CDH13: variants seen among roughly 807,000 people sequenced by gnomAD.
The protein encoded by CDH13 is cadherin-13.
A neutral mutation model predicts 63.8 loss-of-function variants in CDH13; 24 were observed. The observed-to-expected ratio is 0.38, with a 90% CI of 0.27 to 0.53. The LOEUF is 0.53. Ranked by LOEUF, CDH13 falls within the 20% of genes least tolerant of loss-of-function variation. CDH13 has a pLI of 0.85. For missense variants in CDH13, 1,049 were observed against 903.1 expected, an observed-to-expected ratio of 1.16 and a Z score of -2.07; for synonymous variants, 503 against 355.3, an observed-to-expected ratio of 1.42 and a Z score of -4.67.
At chr16:83,016,107 T>C (rs1272462705) in intron 2 of CDH13, among the ~76,000 whole-genome samples, 2 of 152,116 alleles carry the variant, frequency 1.3e-5, no homozygotes, top group African/African-American at 2.4e-5. Flanking sequence ...CTAGAGATGA[T>C]GCCATATGGC....
rs897031010 is a variant in CDH13 at position 83,664,750 on chromosome 16, G to A, written c.1102-6040G>A. On this transcript the variant is annotated intron_variant, in intron 8 of 13. Coordinates refer to ENST00000567109, the MANE Select transcript of CDH13 (RefSeq NM_001257.5). ...CATTTACTGAAATGACCGTTACCTG[G>A]AAATTAAATCATGTCAAAACATAAA... Among the ~76,000 whole-genome samples, 4 of 152,052 alleles carry A rather than the reference G, an allele frequency of 2.6e-5. No homozygotes were observed. In the South Asian group the frequency reaches 8.3e-4, roughly 32 times the overall value.
intron 6 of CDH13, among the ~76,000 whole-genome samples, chr16:83,394,316 C>T (rs1041988341): frequency 4.6e-5 from 7 of 151,434 alleles, no homozygotes; most frequent in Admixed American, 2.0e-4. Context: ...TTTTCAATTG[C>T]GTGCTCAAGG....
intron 5 of CDH13, among the ~76,000 whole-genome samples, chr16:83,230,908 CTG>C (rs2039984233): frequency 6.6e-6 from 1 of 152,236 alleles, no homozygotes; most frequent in Non-Finnish European, 1.5e-5. Flanking sequence ...GAAAGGAAAA[CTG>C]TGAATTCTGT....
chr16:83,065,306 C>G (rs1351903941), intron 3 of CDH13, among the ~76,000 whole-genome samples: 1 of 152,076 alleles, frequency 6.6e-6, no homozygotes, highest in East Asian at 1.9e-4. Context: ...TAGGAAAAGC[C>G]TTAAGAAGTG....
At chr16:82,683,701 C>T (rs929162451) in intron 1 of CDH13, among the ~76,000 whole-genome samples, 1 of 152,184 alleles carries the variant, frequency 6.6e-6, no homozygotes, top group Non-Finnish European at 1.5e-5. Flanking sequence ...TCTTACTGTC[C>T]TATTCACCAA....
chr16:83,149,417 G>A lies in CDH13; in HGVS notation c.483+23916G>A, dbSNP rs59218067. Among the ~76,000 whole-genome samples, 795 of 152,184 alleles carry A rather than the reference G, an allele frequency of 5.2e-3. 8 individuals are homozygous for A. The highest frequency in any genetic ancestry group is 0.017 in the African/African-American group (696 of 41,540). ...GTATTTAATATTATTTATTCATTGC[G>A]TCCATGATAGGATCACAACAGTGAG... On this transcript the variant is annotated intron_variant, in intron 4 of 13. Transcript: ENST00000567109.
rs559507344 is a variant in CDH13, at chr16:83,175,756, A to G, written c.484-41589A>G. On this transcript the variant is annotated intron_variant, in intron 4 of 13. Transcript: ENST00000567109. ...TTTATAGATCTCTATACCTTCCTTTATGTAAATGTGTATAATATGCTCACA... is the reference window on the plus strand; with the variant it reads ...TTTATAGATCTCTATACCTTCCTTTGTGTAAATGTGTATAATATGCTCACA... Among the ~76,000 whole-genome samples, 7 of 150,702 alleles carry G rather than the reference A, an allele frequency of 4.6e-5. No homozygotes were observed. The East Asian group carries it at 1.2e-3, about 25-fold the overall frequency.
rs561185512 is a variant in CDH13 at position 82,748,415 on chromosome 16, C to T, written c.46-109947C>T. Among the ~76,000 whole-genome samples the T allele has an allele frequency of 9.7e-4, 147 of 152,308 alleles. 1 individual carries two copies. The highest frequency in any genetic ancestry group is 3.4e-3 in the Middle Eastern group (1 of 294). ...GTTCTTAATCGTGTGTGTGATTTGA[C>T]AGTCAAGATGGGCTATGGGAATCAT... On this transcript the variant is annotated intron_variant, in intron 1 of 13. Transcript: ENST00000567109.
chr16:83,165,216 C>T (rs894266232), intron 4 of CDH13, among the ~76,000 whole-genome samples: 3 of 152,068 alleles, frequency 2.0e-5, no homozygotes, highest in Non-Finnish European at 4.4e-5. Flanking sequence ...CAAGTGGGGA[C>T]ATCTCAGTAG....
intron 2 of CDH13, among the ~76,000 whole-genome samples, chr16:82,954,925 T>C (rs1905843308): frequency 6.6e-6 from 1 of 152,184 alleles, no homozygotes; most frequent in Admixed American, 6.5e-5. Context: ...CTTAGGATAG[T>C]GTTTTAAATG....
At chr16:83,674,465 C>T (rs534134981) in intron 9 of CDH13, among the ~76,000 whole-genome samples, 4 of 152,338 alleles carry the variant, frequency 2.6e-5, no homozygotes, top group East Asian at 1.9e-4. Context: ...AAGGGTCCCC[C>T]GGCCAATTTC....
chr16:83,669,161 T>C (rs8049978), intron 8 of CDH13, among the ~76,000 whole-genome samples: 1 of 152,182 alleles, frequency 6.6e-6, no homozygotes, highest in Non-Finnish European at 1.5e-5. Context: ...ACTTGACTGC[T>C]TGTCCCAGAA....
chr16:83,763,175 T>C (rs1441647622), intron 11 of CDH13, among the ~76,000 whole-genome samples: 1 of 152,188 alleles, frequency 6.6e-6, no homozygotes, highest in Non-Finnish European at 1.5e-5. Flanking sequence ...ATATAAAGTA[T>C]GTTTGAGCCT....
At chr16:83,359,082 T>C (rs1170513593) in intron 6 of CDH13, among the ~76,000 whole-genome samples, 1 of 152,098 alleles carries the variant, frequency 6.6e-6, no homozygotes, top group Non-Finnish European at 1.5e-5. Flanking sequence ...AATATTAATT[T>C]TTTTCTTGCC....
chr16:82,908,966 G>C (rs577967368), intron 2 of CDH13, among the ~76,000 whole-genome samples: 16 of 152,208 alleles, frequency 1.1e-4, no homozygotes, highest in African/African-American at 3.6e-4. Flanking sequence ...GGGTTCCACG[G>C]GGCTGACTGT....
chr16:83,522,322 G>A (rs2074857957), intron 7 of CDH13, among the ~76,000 whole-genome samples: 1 of 152,184 alleles, frequency 6.6e-6, no homozygotes, highest in Non-Finnish European at 1.5e-5. Flanking sequence ...TCACTTGATG[G>A]AGTGTATACG....
chr16:83,002,331 G>C (rs1008681553), intron 2 of CDH13, among the ~76,000 whole-genome samples: 5 of 152,208 alleles, frequency 3.3e-5, no homozygotes, highest in Admixed American at 3.3e-4. Flanking sequence ...CTCTTGGAGT[G>C]ATGTGGCCTC....
intron 6 of CDH13, among the ~76,000 whole-genome samples, chr16:83,391,134 G>A (rs1212919304): frequency 6.6e-6 from 1 of 152,098 alleles, no homozygotes; most frequent in Non-Finnish European, 1.5e-5. Context: ...GGGGTCCTGA[G>A]AGGCCAATAA....
chr16:82,718,744 G>A lies in CDH13; in HGVS notation c.45+91607G>A, dbSNP rs527669040. The stretch of plus-strand genomic sequence containing the variant: ...CCCTTTATAAACATCATCAGATCTC[G>A]TGAGACGATCACAAGAACAGCATGG... On this transcript the variant is annotated intron_variant, in intron 1 of 13. Transcript: ENST00000567109. Among the ~76,000 whole-genome samples, 20 of 152,238 alleles carry A rather than the reference G, an allele frequency of 1.3e-4. No individual in the cohort carries two copies. The South Asian group carries it at 1.5e-3, about 11-fold the overall frequency.
Sources: allele counts gnomAD v4.1 joint callset (sites outside exome capture counted in the v4.1 genomes callset), GRCh38; gene constraint gnomAD v4.1.1; transcripts MANE v1.5; gene names NCBI Gene and HGNC (gene_info 2026-07-23, HGNC 2026-07-21).